Variants in GRIN2A observed in about 807,000 individuals in gnomAD.
GRIN2A encodes glutamate receptor ionotropic, NMDA 2A.
GRIN2A carries 22 observed loss-of-function variants against 113.4 expected under a neutral mutation model. The ratio of observed to expected loss-of-function variants is 0.19; its 90% CI spans 0.14 to 0.28. GRIN2A has a LOEUF of 0.28. Ranked by LOEUF, GRIN2A falls within the 10% of genes least tolerant of loss-of-function variation. GRIN2A has a pLI of 1.00. For missense variants in GRIN2A, 1,502 were observed against 1,887.0 expected (o/e 0.80, Z 3.78); for synonymous variants, 827 against 738.4 (o/e 1.12, Z -1.94).
intron 2 of GRIN2A, among the ~76,000 whole-genome samples, chr16:10,055,247 G>C (rs1418117399): frequency 6.6e-6 from 1 of 151,866 alleles, no homozygotes; most frequent in East Asian, 1.9e-4. Context: ...GGTTTCCTCT[G>C]AGGAAGGAGA....
chr16:10,067,002 G>A (rs574720289), intron 2 of GRIN2A, among the ~76,000 whole-genome samples: 10 of 152,250 alleles, frequency 6.6e-5, no homozygotes, highest in African/African-American at 2.4e-4. Context: ...CCTAGCTCAC[G>A]ATATTTTAAG....
At chr16:10,119,171 G>A (rs181101629) in intron 2 of GRIN2A, among the ~76,000 whole-genome samples, 49 of 152,050 alleles carry the variant, frequency 3.2e-4, no homozygotes, top group African/African-American at 1.0e-3. Flanking sequence ...TTTGAATTAC[G>A]AAGCTAAGGG....
Position 9,851,034 on chromosome 16 carries a change from A to C in GRIN2A, c.1123-1073T>G, listed in dbSNP as rs574529000. On this transcript the variant is annotated intron_variant, in intron 4 of 12. Transcript: ENST00000330684. ...GTGTGAAAAGCTAAGTGCCAAATCC[A>C]GGCTTGTCTGTGTTGACCAGACCCA... Among the ~76,000 whole-genome samples, 17 of 152,246 alleles carry C rather than the reference A, an allele frequency of 1.1e-4. 1 individual carries two copies. The South Asian group carries it at 3.3e-3, about 30-fold the overall frequency.
chr16:9,798,597 C>G (rs907512264), intron 10 of GRIN2A, 133 bp from the exon 11 acceptor site: 1 of 649,062 alleles, frequency 1.5e-6, no homozygotes, highest in African/African-American at 1.8e-5. Flanking sequence ...GCCTCTCCAT[C>G]CCCTCATCAT....
chr16:9,776,951 A>C (rs560746723), intron 11 of GRIN2A, among the ~76,000 whole-genome samples: 63 of 152,182 alleles, frequency 4.1e-4, no homozygotes, highest in Non-Finnish European at 8.1e-4. Context: ...GGGACACAGA[A>C]TTGGGGCCAA....
chr16:9,797,751 T>C (rs1367129659), intron 11 of GRIN2A, among the ~76,000 whole-genome samples: 1 of 152,178 alleles, frequency 6.6e-6, no homozygotes, highest in Non-Finnish European at 1.5e-5. Context: ...CCTACCAACA[T>C]GTGAGGTTGG....
intron 5 of GRIN2A, among the ~76,000 whole-genome samples, chr16:9,847,550 G>A (rs1303557053): frequency 6.6e-6 from 1 of 151,388 alleles, no homozygotes; most frequent in East Asian, 1.9e-4. Context: ...GGGGGACAGA[G>A]CAAGACCCTG....
chr16:9,903,625 C>T (rs1323044589), intron 3 of GRIN2A, among the ~76,000 whole-genome samples: 1 of 152,160 alleles, frequency 6.6e-6, no homozygotes, highest in Admixed American at 6.5e-5. Flanking sequence ...GGCTTATTGG[C>T]CACCCCTCAT....
intron 2 of GRIN2A, among the ~76,000 whole-genome samples, chr16:10,152,607 G>A (rs886104844): frequency 6.6e-6 from 1 of 152,094 alleles, no homozygotes; most frequent in Non-Finnish European, 1.5e-5. Context: ...TTCATGTTCA[G>A]TTCACCATTG....
At chr16:10,155,772 T>C (rs942306268) in intron 2 of GRIN2A, among the ~76,000 whole-genome samples, 4 of 152,090 alleles carry the variant, frequency 2.6e-5, no homozygotes, top group Middle Eastern at 3.2e-3. Flanking sequence ...CAAGAGAGCA[T>C]GTGCAGGGGA....
intron 2 of GRIN2A, among the ~76,000 whole-genome samples, chr16:10,122,600 C>A (rs1375068): frequency 0.068 from 10,259 of 151,800 alleles, 470 homozygotes; most frequent in Non-Finnish European, 0.11. Context: ...TTTTGTCCCC[C>A]ACCCCCCCAA....
Position 9,958,009 on chromosome 16 carries a change from G to C in GRIN2A, c.415-19458C>G, listed in dbSNP as rs191148696. The stretch of plus-strand genomic sequence containing the variant: ...CTAGTCTTTCCTCTCAGTTATACCA[G>C]GAAAGAGAGATAGTGATAAACTGCT... On this transcript the variant is annotated intron_variant, in intron 2 of 12. Coordinates refer to ENST00000330684, the MANE Select transcript of GRIN2A (RefSeq NM_001134407.3). Among the ~76,000 whole-genome samples the C allele has an allele frequency of 1.9e-3, 296 of 152,222 alleles. 1 individual carries two copies. Among genetic ancestry groups the C allele is most frequent in the South Asian group, 4.1e-3 (20 of 4,822 alleles).
intron 3 of GRIN2A, among the ~76,000 whole-genome samples, chr16:9,901,030 T>C (rs866112535): frequency 6.6e-6 from 1 of 152,356 alleles, no homozygotes; most frequent in African/African-American, 2.4e-5. Flanking sequence ...ATGGATCAAT[T>C]GACATTCAAT....
chr16:10,137,078 C>A (rs1044684538), intron 2 of GRIN2A, among the ~76,000 whole-genome samples: 4 of 152,182 alleles, frequency 2.6e-5, no homozygotes, highest in Admixed American at 2.0e-4. Flanking sequence ...CCACAAATCC[C>A]TACCGTTGGC....
At chr16:9,916,512 CA>C (rs34117232) in intron 3 of GRIN2A, among the ~76,000 whole-genome samples, 31 of 152,242 alleles carry the variant, frequency 2.0e-4, no homozygotes, top group Non-Finnish European at 3.4e-4. Context: ...AATTTGGAAC[CA>C]AAAGGCACAA....
intron 2 of GRIN2A, among the ~76,000 whole-genome samples, chr16:10,166,572 TC>T (rs1567344674): frequency 6.6e-6 from 1 of 152,154 alleles, no homozygotes; most frequent in Non-Finnish European, 1.5e-5. Flanking sequence ...TCCTCTGCAT[TC>T]CCATGGTCCC....
intron 2 of GRIN2A, among the ~76,000 whole-genome samples, chr16:10,078,251 G>T (rs777912931): frequency 1.3e-4 from 20 of 152,094 alleles, no homozygotes; most frequent in Non-Finnish European, 2.4e-4. Context: ...GGTCCAGTGT[G>T]ATGAACAAAC....
rs555191027 is a variant in GRIN2A, at chr16:9,952,369, C to G, written c.415-13818G>C. 6.6e-5 allele frequency among the ~76,000 whole-genome samples: 10 copies of G among 152,126 alleles called. No individual in the cohort carries two copies. The South Asian group carries it at 2.1e-3, about 32-fold the overall frequency. ...GTCTGGAGACAGAGTACAGAGAGGACAGTGTACAAAGACAGTGTGCAGAGA... is the reference window on the plus strand; with the variant it reads ...GTCTGGAGACAGAGTACAGAGAGGAGAGTGTACAAAGACAGTGTGCAGAGA... On this transcript the variant is annotated intron_variant, in intron 2 of 12. Transcript: ENST00000330684.
chr16:10,046,631 G>A (rs542707956), intron 2 of GRIN2A, among the ~76,000 whole-genome samples: 1 of 152,120 alleles, frequency 6.6e-6, no homozygotes, highest in Admixed American at 6.6e-5. Flanking sequence ...AAACAGCTAA[G>A]TTTGAGCAGC....
Sources: allele counts gnomAD v4.1 joint callset (sites outside exome capture counted in the v4.1 genomes callset), GRCh38; gene constraint gnomAD v4.1.1; transcripts MANE v1.5; gene names NCBI Gene and HGNC (gene_info 2026-07-23, HGNC 2026-07-21).